EIPR1: variants seen among roughly 807,000 people sequenced by gnomAD.
EIPR1 encodes the protein EARP complex and GARP complex interacting protein 1, also known as EARP and GARP complex-interacting protein 1.
In EIPR1, 25 loss-of-function variants were observed where a neutral mutation model predicts 48.1. The ratio of observed to expected loss-of-function variants is 0.52; its 90% CI spans 0.38 to 0.73. EIPR1 has a LOEUF of 0.73. Ranked by LOEUF, EIPR1 falls within the 30% of genes least tolerant of loss-of-function variation. The probability of loss-of-function intolerance (pLI) is 0.00; values close to 1 mark genes in which losing one functional copy is unlikely to be tolerated. For synonymous variants in EIPR1, 204 were observed against 201.9 expected (o/e 1.01, Z -0.09); for missense variants, 415 against 506.2 (o/e 0.82, Z 1.73).
At chr2:3,311,764 C>T (rs1352294905) in intron 3 of EIPR1, among the ~76,000 whole-genome samples, 3 of 149,886 alleles carry the variant, frequency 2.0e-5, no homozygotes, top group Admixed American at 1.3e-4. Context: ...GGGGGCTCCA[C>T]TCGCAGGATG....
At chr2:3,209,408 C>T (rs539145879) in intron 5 of EIPR1, among the ~76,000 whole-genome samples, 1 of 152,358 alleles carries the variant, frequency 6.6e-6, no homozygotes, top group East Asian at 1.9e-4. Flanking sequence ...GTCCTCGCTG[C>T]CCCCTACAAC....
chr2:3,250,829 C>T (rs1262589165), intron 4 of EIPR1, among the ~76,000 whole-genome samples: 2 of 152,176 alleles, frequency 1.3e-5, no homozygotes, highest in Admixed American at 1.3e-4. Flanking sequence ...CAAGTGATGT[C>T]CTGGCTCCCC....
intron 3 of EIPR1, among the ~76,000 whole-genome samples, chr2:3,303,229 G>A (rs1025343256): frequency 6.6e-6 from 1 of 152,240 alleles, no homozygotes; most frequent in Non-Finnish European, 1.5e-5. Context: ...AACGTGAGGG[G>A]CTGGGTGGAA....
At chr2:3,194,588 G>A (rs1664740373) in intron 6 of EIPR1, among the ~76,000 whole-genome samples, 2 of 152,186 alleles carry the variant, frequency 1.3e-5, no homozygotes, top group African/African-American at 4.8e-5. Flanking sequence ...ACAGGGAGTT[G>A]AGGTAGAATA....
chr2:3,324,808 G>A (rs554404854), intron 3 of EIPR1, among the ~76,000 whole-genome samples: 15 of 152,068 alleles, frequency 9.9e-5, no homozygotes, highest in East Asian at 2.0e-4. Context: ...TCAGACTTCC[G>A]AAGTGGCCGC....
At chr2:3,201,619 G>A (rs1319020089) in intron 5 of EIPR1, among the ~76,000 whole-genome samples, 1 of 152,136 alleles carries the variant, frequency 6.6e-6, no homozygotes, top group East Asian at 1.9e-4. Context: ...TGACACACAG[G>A]AGCCAAGGAG....
chr2:3,269,508 CATCATCACACTCA>C (rs1667621673), intron 3 of EIPR1, among the ~76,000 whole-genome samples: 1 of 21,696 alleles, frequency 4.6e-5, no homozygotes, highest in African/African-American at 1.6e-4. Context: ...CGCACTCAAT[CATCATCACACTCA>C]ATCATCGCAC....
chr2:3,319,935 ACCTGCGGGCAACACCACC>A (rs1425542282), intron 3 of EIPR1: 60 of 106,252 alleles, frequency 5.6e-4, no homozygotes, highest in South Asian at 2.4e-3. Context: ...GCAATACTGC[ACCTGCGGGCAACACCACC>A]CCTGCGGGCA....
chr2:3,285,173 T>C (rs965257351), intron 3 of EIPR1, among the ~76,000 whole-genome samples: 1 of 152,066 alleles, frequency 6.6e-6, no homozygotes, highest in East Asian at 1.9e-4. Flanking sequence ...TGCCTCTGTC[T>C]CCACACAAAC....
At chr2:3,346,921 C>G (rs1670419315) in intron 2 of EIPR1, among the ~76,000 whole-genome samples, 1 of 152,086 alleles carries the variant, frequency 6.6e-6, no homozygotes, top group African/African-American at 2.4e-5. Context: ...AATTGTAATC[C>G]CCAGTGCTGG....
At chr2:3,203,426 A>C (rs1665116346) in intron 5 of EIPR1, among the ~76,000 whole-genome samples, 1 of 152,252 alleles carries the variant, frequency 6.6e-6, no homozygotes, top group Non-Finnish European at 1.5e-5. Flanking sequence ...TAACGTAAAT[A>C]AACCTGATTG....
At chr2:3,352,817 TGAAACCCC>T (rs1376788704) in intron 2 of EIPR1, among the ~76,000 whole-genome samples, 1 of 152,158 alleles carries the variant, frequency 6.6e-6, no homozygotes, top group Non-Finnish European at 1.5e-5. Flanking sequence ...GCCAACGTGG[TGAAACCCC>T]GTCTCTACTA....
intron 3 of EIPR1, among the ~76,000 whole-genome samples, chr2:3,265,958 A>G (rs925957125): frequency 1.3e-5 from 2 of 152,322 alleles, no homozygotes; most frequent in Admixed American, 6.5e-5. Flanking sequence ...TTCAAAGCCA[A>G]TTTGAAGCCA....
At position 3,189,514 on chromosome 2, in the gene EIPR1, A is replaced by G. The variant is rs1664526971; in HGVS notation, c.990-6T>C. The G allele has an allele frequency of 1.9e-6, 3 of 1,548,460 alleles. No homozygotes were observed. The highest frequency in any genetic ancestry group is 1.2e-5 in the South Asian group (1 of 85,068). ...CCTGCAGGGGCTCCTTGCTCCTGCAATGCAACAGAGGCAGACGTGAGCGCA... is the reference window on the plus strand; with the variant it reads ...CCTGCAGGGGCTCCTTGCTCCTGCAGTGCAACAGAGGCAGACGTGAGCGCA... On this transcript the variant is annotated splice_polypyrimidine_tract_variant and splice_region_variant and intron_variant, in intron 8 of 8. Transcript: ENST00000382125. The surrounding 1 kb of genome is among the most constrained non-coding windows in gnomAD (Gnocchi z 4.6).
intron 3 of EIPR1, among the ~76,000 whole-genome samples, chr2:3,305,830 A>G (rs1668925849): frequency 6.6e-6 from 1 of 152,186 alleles, no homozygotes; most frequent in Non-Finnish European, 1.5e-5. Context: ...TCCATTTCTG[A>G]TAAATTCTCA....
chr2:3,224,808 C>T (rs963257704), intron 4 of EIPR1, among the ~76,000 whole-genome samples: 2 of 152,184 alleles, frequency 1.3e-5, no homozygotes, highest in Non-Finnish European at 2.9e-5. Flanking sequence ...CCGGCAATGC[C>T]ACAACCTGCC....
rs544208414 is a variant in EIPR1, at chr2:3,221,457, G to A, written c.417-7209C>T. 3.3e-3 allele frequency among the ~76,000 whole-genome samples: 23 copies of A among 6,894 alleles called. 8 individuals carry two copies. Among genetic ancestry groups the A allele is most frequent in the African/African-American group, 6.3e-3 (23 of 3,654 alleles). 4.5% of individuals were successfully genotyped at this position (6,894 alleles called of 152,430 possible). ...TCGGGAACACACGCACAAAATGGCC[G>A]AGGTACACTCTAGAGCATTCACAGT... On this transcript the variant is annotated intron_variant, in intron 4 of 8. Coordinates refer to ENST00000382125, the MANE Select transcript of EIPR1 (RefSeq NM_003310.5).
At chr2:3,289,975 A>G (rs1190429552) in intron 3 of EIPR1, among the ~76,000 whole-genome samples, 2 of 152,190 alleles carry the variant, frequency 1.3e-5, no homozygotes, top group East Asian at 1.9e-4. Flanking sequence ...GAACCACACA[A>G]TGCCCTCTGA....
intron 3 of EIPR1, among the ~76,000 whole-genome samples, chr2:3,268,471 G>A (rs1667559638): frequency 6.6e-6 from 1 of 152,212 alleles, no homozygotes; most frequent in Admixed American, 6.5e-5. Context: ...CCTCCAAGAT[G>A]TTCCTTCCTG....
Sources: allele counts gnomAD v4.1 joint callset (sites outside exome capture counted in the v4.1 genomes callset), GRCh38; gene constraint gnomAD v4.1.1; non-coding constraint Gnocchi (gnomAD v3.1); transcripts MANE v1.5; gene names NCBI Gene and HGNC (gene_info 2026-07-23, HGNC 2026-07-21).